Variants in NPFFR2 observed in about 807,000 individuals in gnomAD.
NPFFR2 encodes the protein G-protein coupled receptor 74.
Under a neutral mutation model 13.1 loss-of-function variants are expected in NPFFR2, and 15 were observed. That is an observed-to-expected ratio of 1.15 (90% CI 0.77 to 1.76). The LOEUF is 1.76. Ranked by LOEUF, NPFFR2 falls within the 40% of genes most tolerant of loss-of-function variation. NPFFR2 has a pLI of 0.00. For missense variants in NPFFR2, 572 were observed against 503.5 expected (o/e 1.14, Z -1.30); for synonymous variants, 190 against 175.7 (o/e 1.08, Z -0.65).
At chr4:72,127,360 CTTT>C (rs1186710740) in intron 1 of NPFFR2, among the ~76,000 whole-genome samples, 1 of 66,910 alleles carries the variant, frequency 1.5e-5, no homozygotes, top group African/African-American at 6.0e-5. Flanking sequence ...AATTTCTTTT[CTTT>C]TTTTTTTTTT....
At chr4:72,038,518 T>A (rs1312536852) in intron 1 of NPFFR2, among the ~76,000 whole-genome samples, 1 of 131,526 alleles carries the variant, frequency 7.6e-6, no homozygotes, top group Non-Finnish European at 1.6e-5. Flanking sequence ...AACCTTATCA[T>A]TCCTGTTTTT....
chr4:72,127,425 G>A (rs1346515303), intron 1 of NPFFR2, among the ~76,000 whole-genome samples: 11 of 101,368 alleles, frequency 1.1e-4, no homozygotes, highest in Admixed American at 2.0e-4. Context: ...GTGCAGTGGC[G>A]CGATCTCGGC....
intron 1 of NPFFR2, among the ~76,000 whole-genome samples, chr4:72,033,758 A>C (rs1368213556): frequency 1.3e-5 from 2 of 152,238 alleles, no homozygotes; most frequent in African/African-American, 2.4e-5. Flanking sequence ...TTTATCCCAT[A>C]GTTCCTATAA....
At chr4:72,069,019 G>A (rs1720164758) in intron 1 of NPFFR2, 1 of 1,134,432 alleles carries the variant, frequency 8.8e-7, no homozygotes, top group South Asian at 1.7e-5. Flanking sequence ...ATCAGTGACT[G>A]CTATGTAAGT....
intron 1 of NPFFR2, among the ~76,000 whole-genome samples, chr4:72,100,734 C>A (rs1215846984): frequency 6.6e-6 from 1 of 151,874 alleles, no homozygotes; most frequent in East Asian, 1.9e-4. Context: ...TTGAATTTGA[C>A]AAGTATAACA....
Position 72,147,880 on chromosome 4 carries a change from T to A in NPFFR2, c.*68T>A. Reference sequence around the variant, plus strand: ...ATTTAAATCCATTGCTTTTTGTGGCTTTGCACTTCAAATTTTTCAAAGAAT... The same window carrying A: ...ATTTAAATCCATTGCTTTTTGTGGCATTGCACTTCAAATTTTTCAAAGAAT... On this transcript the variant is annotated 3_prime_UTR_variant, in exon 4 of 4. Transcript: ENST00000308744. 7 of 1,187,802 alleles carry A rather than the reference T, an allele frequency of 5.9e-6. No homozygotes were observed. The South Asian group carries it at 1.3e-4, about 22-fold the overall frequency. 73.6% of individuals were successfully genotyped at this position (1,187,802 alleles called of 1,614,324 possible).
At chr4:72,050,863 G>A (rs1476953436) in intron 1 of NPFFR2, among the ~76,000 whole-genome samples, 1 of 151,136 alleles carries the variant, frequency 6.6e-6, no homozygotes, top group Non-Finnish European at 1.5e-5. Context: ...AATATGCGGT[G>A]TTTGGTTTTT....
intron 2 of NPFFR2, among the ~76,000 whole-genome samples, chr4:72,131,338 G>T (rs1722232526): frequency 6.6e-6 from 1 of 151,196 alleles, no homozygotes; most frequent in Non-Finnish European, 1.5e-5. Flanking sequence ...AAGATACTGT[G>T]CTAAACAAAA....
intron 1 of NPFFR2, among the ~76,000 whole-genome samples, chr4:72,103,529 T>G (rs1450131813): frequency 6.6e-6 from 1 of 152,106 alleles, no homozygotes. Context: ...CATTTTGTTA[T>G]AGCAGCACAA....
chr4:72,088,267 A>G (rs1393331435), intron 1 of NPFFR2, among the ~76,000 whole-genome samples: 1 of 152,034 alleles, frequency 6.6e-6, no homozygotes, highest in East Asian at 1.9e-4. Context: ...TTTGTGAACT[A>G]TGTTGCGTAT....
intron 1 of NPFFR2, among the ~76,000 whole-genome samples, chr4:72,092,072 C>T (rs1720930965): frequency 6.6e-6 from 1 of 151,928 alleles, no homozygotes; most frequent in Non-Finnish European, 1.5e-5. Flanking sequence ...TTTTAAATTT[C>T]CCTCTTGATT....
chr4:72,142,474 C>T (rs1373819622), intron 3 of NPFFR2, among the ~76,000 whole-genome samples: 1 of 152,098 alleles, frequency 6.6e-6, no homozygotes, highest in African/African-American at 2.4e-5. Context: ...GAACCAGGTA[C>T]CTCAGGTGGA....
intron 1 of NPFFR2, among the ~76,000 whole-genome samples, chr4:72,048,467 A>G (rs1166939351): frequency 6.6e-6 from 1 of 152,126 alleles, no homozygotes; most frequent in African/African-American, 2.4e-5. Context: ...CACAAGTGTT[A>G]ATTTGGCCAA....
At position 72,043,760 on chromosome 4, in the gene NPFFR2, C is replaced by A. The variant is rs566570491; in HGVS notation, c.-8+11560C>A. On this transcript the variant is annotated intron_variant, in intron 1 of 3. Coordinates refer to ENST00000308744, the MANE Select transcript of NPFFR2 (RefSeq NM_004885.3). The stretch of plus-strand genomic sequence containing the variant: ...TTTATAGGCTCATAGGTGGAAGGGA[C>A]TTGCCTTGTCTCAGATGAGACTTTG... 1.3e-3 allele frequency among the ~76,000 whole-genome samples: 197 copies of A among 152,222 alleles called. 1 individual carries two copies. The highest frequency in any genetic ancestry group is 4.6e-3 in the African/African-American group (189 of 41,524).
At chr4:72,129,342 A>T (rs1412586343) in intron 2 of NPFFR2, among the ~76,000 whole-genome samples, 1 of 137,418 alleles carries the variant, frequency 7.3e-6, no homozygotes, top group Non-Finnish European at 1.6e-5. Flanking sequence ...GGACCCGGGG[A>T]ACCAGCGTTC....
chr4:72,081,702 G>T (rs1050825318), intron 1 of NPFFR2, among the ~76,000 whole-genome samples: 2 of 151,830 alleles, frequency 1.3e-5, no homozygotes, highest in Non-Finnish European at 1.5e-5. Flanking sequence ...TGTTGCCTAA[G>T]CTTGTCTTGA....
intron 1 of NPFFR2, among the ~76,000 whole-genome samples, chr4:72,051,839 A>G (rs1475556202): frequency 2.0e-5 from 3 of 152,036 alleles, no homozygotes; most frequent in Non-Finnish European, 4.4e-5. Flanking sequence ...CAGAAGTACA[A>G]ACTACCATCA....
At chr4:72,034,879 G>T (rs1719006252) in intron 1 of NPFFR2, among the ~76,000 whole-genome samples, 1 of 152,182 alleles carries the variant, frequency 6.6e-6, no homozygotes, top group Admixed American at 6.5e-5. Context: ...CAGCTGTTTA[G>T]AATGGGTCTT....
At chr4:72,134,109 A>T (rs1283121434) in intron 2 of NPFFR2, among the ~76,000 whole-genome samples, 14 of 152,042 alleles carry the variant, frequency 9.2e-5, no homozygotes, top group African/African-American at 3.4e-4. Flanking sequence ...TATGAAAAAT[A>T]CAAAAATTAG....
Sources: gnomAD v4.1 joint callset for allele counts (sites outside exome capture counted in the v4.1 genomes callset) on GRCh38, gnomAD v4.1.1 for gene constraint, MANE v1.5 for transcripts, NCBI Gene and HGNC (gene_info 2026-07-23, HGNC 2026-07-21) for gene names.